Variants in IGSF10 observed in about 807,000 individuals in gnomAD.
The protein encoded by IGSF10 is calvaria mechanical force protein 608.
In IGSF10, 126 loss-of-function variants were observed where a neutral mutation model predicts 128.2. The observed-to-expected ratio is 0.98, with a 90% confidence interval of 0.85 to 1.14. IGSF10 has a LOEUF of 1.14. Among genes scored for constraint, IGSF10 ranks in the 50% most tolerant of loss-of-function variants. IGSF10 has a pLI of 0.00. For synonymous variants in IGSF10, 1,185 were observed against 1,146.2 expected (o/e 1.03, Z -0.68); for missense variants, 3,295 against 3,149.8 (o/e 1.05, Z -1.10).
chr3:151,436,659 C>T lies in IGSF10; in HGVS notation c.*30G>A, dbSNP rs779485483. 3 of 1,486,692 alleles carry T rather than the reference C, an allele frequency of 2.0e-6. No individual in the cohort carries two copies. The highest frequency in any genetic ancestry group is 2.8e-5 in the African/African-American group (2 of 71,420). 92.1% of individuals were successfully genotyped at this position (1,486,692 alleles called of 1,614,324 possible). ...AACTTCTTCCAAAAAATAAATTCTG[C>T]CCAGATGTTGTTGACTTTATTATTT... On this transcript the variant is annotated 3_prime_UTR_variant, in exon 8 of 8. Coordinates refer to ENST00000282466, the MANE Select transcript of IGSF10 (RefSeq NM_178822.5).
At chr3:151,462,305 A>G (rs1204318195), upstream of IGSF10, among the ~76,000 whole-genome samples, 1 of 152,182 alleles carries the variant, frequency 6.6e-6, no homozygotes, top group Non-Finnish European at 1.5e-5. Context: ...CTTCGTTAAG[A>G]TCAAAAATTT....
chr3:151,495,370 T>C, the IGSF10 span, among the ~76,000 whole-genome samples: 6 of 152,216 alleles, frequency 3.9e-5, no homozygotes, highest in Non-Finnish European at 5.9e-5. Flanking sequence ...GAAAACTAAA[T>C]GGGGATCTGT....
intron 7 of IGSF10, among the ~76,000 whole-genome samples, chr3:151,440,256 C>A (rs1720768430): frequency 6.6e-6 from 1 of 152,166 alleles, no homozygotes; most frequent in Non-Finnish European, 1.5e-5. Context: ...TCTCCAACTT[C>A]TGGGTTCCAG....
At chr3:151,444,307 T>C (rs1252751775) in intron 6 of IGSF10, among the ~76,000 whole-genome samples, 2 of 152,170 alleles carry the variant, frequency 1.3e-5, no homozygotes, top group African/African-American at 4.8e-5. Flanking sequence ...TGGATTATTT[T>C]ATTTAATTTT....
At position 151,445,631 on chromosome 3, in the gene IGSF10, G is replaced by A. The variant is rs758059610; in HGVS notation, c.4350C>T (p.Thr1450=). 16 of 1,614,176 alleles carry A rather than the reference G, an allele frequency of 9.9e-6. No individual in the cohort carries two copies. In the South Asian group the frequency reaches 1.6e-4, roughly 17 times the overall value. The change falls in exon 6 of 8, where the codon ACC becomes ACT. Residue 1450 remains threonine, a synonymous_variant. Coordinates refer to ENST00000282466, the MANE Select transcript of IGSF10 (RefSeq NM_178822.5). ...TTLSSKSHQS[T]TTRKAIIRHS... ...GTCTAATGATTGCTTTCCTAGTTGTGGTACTCTGGTGTGATTTGCTGGACA... is the reference window on the plus strand; with the variant it reads ...GTCTAATGATTGCTTTCCTAGTTGTAGTACTCTGGTGTGATTTGCTGGACA...
At chr3:151,451,378 C>A (rs1382134257) in intron 5 of IGSF10, among the ~76,000 whole-genome samples, 1 of 152,144 alleles carries the variant, frequency 6.6e-6, no homozygotes. Context: ...TTTCATTATT[C>A]ACTATTAGAA....
At chr3:151,608,291 A>G in the IGSF10 span, among the ~76,000 whole-genome samples, 1 of 152,256 alleles carries the variant, frequency 6.6e-6, no homozygotes, top group Admixed American at 6.5e-5. Context: ...GCTAAAATTC[A>G]GTAATGAAAT....
chr3:151,602,315 T>C, the IGSF10 span, among the ~76,000 whole-genome samples: 2 of 152,178 alleles, frequency 1.3e-5, no homozygotes, highest in African/African-American at 4.8e-5. Flanking sequence ...AGTTTGTACT[T>C]TCATGCTCAC....
At chr3:151,534,805 G>GTGTT in the IGSF10 span, among the ~76,000 whole-genome samples, 2 of 150,680 alleles carry the variant, frequency 1.3e-5, no homozygotes. Flanking sequence ...AAGTGTATGT[G>GTGTT]TGTGTGTGTG....
chr3:151,525,819 C>T, the IGSF10 span, among the ~76,000 whole-genome samples: 47 of 152,142 alleles, frequency 3.1e-4, no homozygotes, highest in African/African-American at 9.2e-4. Flanking sequence ...ATCTCCCTTC[C>T]GATTAACTCG....
chr3:151,591,348 A>AATTTTGT, the IGSF10 span, among the ~76,000 whole-genome samples: 1 of 147,468 alleles, frequency 6.8e-6, no homozygotes, highest in African/African-American at 2.5e-5. Flanking sequence ...AAAGCATTAA[A>AATTTTGT]ATTTTGTTGT....
At chr3:151,475,396 A>G in the IGSF10 span, among the ~76,000 whole-genome samples, 5 of 152,220 alleles carry the variant, frequency 3.3e-5, no homozygotes, top group African/African-American at 1.2e-4. Context: ...TGCAAATTAA[A>G]TATGGCCTGA....
chr3:151,495,776 A>C, the IGSF10 span, among the ~76,000 whole-genome samples: 1 of 152,122 alleles, frequency 6.6e-6, no homozygotes, highest in Non-Finnish European at 1.5e-5. Flanking sequence ...TGGATACTAA[A>C]CCACCAAATA....
the IGSF10 span, among the ~76,000 whole-genome samples, chr3:151,583,164 C>G: frequency 6.6e-6 from 1 of 151,552 alleles, no homozygotes; most frequent in African/African-American, 2.4e-5. Context: ...TTGTTCTTTT[C>G]TTTATTATTT....
At chr3:151,590,555 A>G in the IGSF10 span, among the ~76,000 whole-genome samples, 4 of 152,284 alleles carry the variant, frequency 2.6e-5, no homozygotes, top group African/African-American at 7.2e-5. Context: ...TAATACCTCA[A>G]GTAAAAAAGA....
the IGSF10 span, among the ~76,000 whole-genome samples, chr3:151,556,810 A>C: frequency 0.014 from 2,167 of 152,176 alleles, 54 homozygotes; most frequent in African/African-American, 0.05. Context: ...GTTTTCATAG[A>C]AGTCATGTTT....
downstream of IGSF10, chr3:151,433,906 A>G (rs192911299): frequency 4.4e-3 from 679 of 152,808 alleles, 2 homozygotes; most frequent in Non-Finnish European, 5.0e-3. Context: ...AGTAAATTAT[A>G]CATCAAATTT....
At chr3:151,531,239 G>A in the IGSF10 span, among the ~76,000 whole-genome samples, 1 of 152,066 alleles carries the variant, frequency 6.6e-6, no homozygotes, top group Non-Finnish European at 1.5e-5. Flanking sequence ...CAATAACAGT[G>A]GGAGACTTTA....
chr3:151,448,135 A>G lies in IGSF10; in HGVS notation c.1846T>C (p.Tyr616His). 1.2e-6 allele frequency: 2 copies of G among 1,614,220 alleles called. No individual in the cohort carries two copies. The highest frequency in any genetic ancestry group is 2.2e-5 in the East Asian group (1 of 44,888). Residue 616 changes from tyrosine to histidine, a missense_variant, in exon 6 of 8, where the codon TAT (tyrosine) becomes CAT (histidine). Tyr to His is a moderately conservative substitution (Grantham distance 83). Coordinates refer to ENST00000282466, the MANE Select transcript of IGSF10 (RefSeq NM_178822.5). ...ACTTTCTTGTCTCTTGATGACTGAT[A>G]GAGCACATTGTTTCCTGGAATAACC... ...SWVIPGNNVLYQSSRDKKVLN... is the reference protein window; with the variant it reads ...SWVIPGNNVLHQSSRDKKVLN...
Sources: gnomAD v4.1 joint callset for allele counts (sites outside exome capture counted in the v4.1 genomes callset) on GRCh38, gnomAD v4.1.1 for gene constraint, MANE v1.5 for transcripts, NCBI Gene and HGNC (gene_info 2026-07-23, HGNC 2026-07-21) for gene names.